The following CNTNAP2 variants were observed in gnomAD, a reference collection of about 807,000 sequenced individuals.
The protein encoded by CNTNAP2 is contactin-associated protein-like 2.
CNTNAP2 carries 98 observed loss-of-function variants against 155.2 expected under a neutral mutation model. The observed-to-expected ratio is 0.63, with a 90% CI of 0.54 to 0.75. The LOEUF (loss-of-function observed/expected upper bound fraction) is 0.75, where lower values mean the gene tolerates loss of function less well. CNTNAP2 is among the 30% of genes least tolerant of loss of function. The pLI is 0.00. For missense variants in CNTNAP2, 1,727 were observed against 1,688.1 expected, an observed-to-expected ratio of 1.02 and a Z score of -0.40; for synonymous variants, 651 against 631.2, an observed-to-expected ratio of 1.03 and a Z score of -0.47.
intron 11 of CNTNAP2, among the ~76,000 whole-genome samples, chr7:147,503,676 C>A (rs1391728688): frequency 7.4e-6 from 1 of 134,774 alleles, no homozygotes; most frequent in Admixed American, 7.6e-5. Context: ...AAACGGATTT[C>A]TCTTTTGTAA....
chr7:146,890,479 T>C (rs1795753260), intron 3 of CNTNAP2, among the ~76,000 whole-genome samples: 1 of 152,202 alleles, frequency 6.6e-6, no homozygotes, highest in Non-Finnish European at 1.5e-5. Context: ...TGTCAGCTAC[T>C]GATTATATTG....
rs570346795 is a variant in CNTNAP2 at position 146,276,620 on chromosome 7, G to T, written c.97+159647G>T. 2.0e-3 allele frequency among the ~76,000 whole-genome samples: 308 copies of T among 152,290 alleles called. 3 individuals are homozygous for T. Among genetic ancestry groups the T allele is most frequent in the African/African-American group, 7.0e-3 (289 of 41,558 alleles). On this transcript the variant is annotated intron_variant, in intron 1 of 23. Transcript: ENST00000361727. ...GGACTAGATGGACACTTCCAGTTAT[G>T]TCAGGCTGCTGAAGCCATAGCCTGC...
At chr7:148,369,337 T>TA (rs1418479695) in intron 21 of CNTNAP2, among the ~76,000 whole-genome samples, 1 of 151,634 alleles carries the variant, frequency 6.6e-6, no homozygotes, top group Non-Finnish European at 1.5e-5. Flanking sequence ...TAGCTGGAAT[T>TA]ACAGGGGTGT....
chr7:147,971,450 G>T (rs1218726159), intron 14 of CNTNAP2, among the ~76,000 whole-genome samples: 1 of 151,420 alleles, frequency 6.6e-6, no homozygotes, highest in African/African-American at 2.4e-5. Flanking sequence ...ACGATTCCCG[G>T]TTACCATGAA....
intron 3 of CNTNAP2, among the ~76,000 whole-genome samples, chr7:146,928,031 G>A (rs761264994): frequency 2.7e-4 from 41 of 151,084 alleles, no homozygotes; most frequent in Non-Finnish European, 5.2e-4. Context: ...CCCTCCTGTA[G>A]TCCTCCATCC....
intron 9 of CNTNAP2, among the ~76,000 whole-genome samples, chr7:147,319,630 G>T (rs1487056623): frequency 6.6e-6 from 1 of 152,020 alleles, no homozygotes; most frequent in South Asian, 2.1e-4. Flanking sequence ...TGCCCACCTC[G>T]GCCTCCCAAA....
intron 15 of CNTNAP2, among the ~76,000 whole-genome samples, chr7:148,057,585 A>G (rs1473834761): frequency 6.6e-6 from 1 of 152,218 alleles, no homozygotes; most frequent in African/African-American, 2.4e-5. Context: ...CAGATTATAA[A>G]TATTAATAGC....
At position 148,237,021 on chromosome 7, in the gene CNTNAP2, A is replaced by G. The variant is rs1345444969; in HGVS notation, c.3381+7242A>G. ...TTACAACTCAACATGAGATTTGAGC[A>G]GGGACACATATCCAAACCATATCAC... On this transcript the variant is annotated intron_variant, in intron 20 of 23. Transcript: ENST00000361727. Among the ~76,000 whole-genome samples, 4 of 152,300 alleles carry G rather than the reference A, an allele frequency of 2.6e-5. No individual in the cohort carries two copies. In the East Asian group the frequency reaches 7.7e-4, roughly 29 times the overall value.
chr7:146,415,223 A>G (rs948636501), intron 1 of CNTNAP2, among the ~76,000 whole-genome samples: 100 of 152,096 alleles, frequency 6.6e-4, no homozygotes, highest in African/African-American at 2.1e-3. Flanking sequence ...CACACATACC[A>G]CACCACACAC....
Position 147,980,768 on chromosome 7 carries a change from C to CAAAAAAAAAA in CNTNAP2, c.2383+2783_2383+2792dup, listed in dbSNP as rs375398761. On this transcript the variant is annotated intron_variant, in intron 15 of 23. Transcript: ENST00000361727. Reference sequence around the variant, plus strand: ...TGAAACCCCGTCTCTACTAAAAATACAAAAAAAAAAAAATTAGCCGGGCGT... The same window carrying CAAAAAAAAAA: ...TGAAACCCCGTCTCTACTAAAAATACAAAAAAAAAAAAAAAAAAAAAAATTAGCCGGGCGT... Among the ~76,000 whole-genome samples, 205 of 135,642 alleles carry CAAAAAAAAAA rather than the reference C, an allele frequency of 1.5e-3. 1 individual carries two copies. Among genetic ancestry groups the CAAAAAAAAAA allele is most frequent in the African/African-American group, 4.1e-3 (142 of 34,772 alleles). 89.0% of individuals were successfully genotyped at this position (135,642 alleles called of 152,430 possible).
At chr7:148,205,510 G>A (rs1372489428) in intron 18 of CNTNAP2, among the ~76,000 whole-genome samples, 2 of 152,068 alleles carry the variant, frequency 1.3e-5, no homozygotes, top group Non-Finnish European at 2.9e-5. Flanking sequence ...GTATAAAGGA[G>A]AAAAAAAGCA....
intron 15 of CNTNAP2, among the ~76,000 whole-genome samples, chr7:147,978,890 A>G (rs1801476297): frequency 2.0e-5 from 3 of 152,128 alleles, no homozygotes; most frequent in Admixed American, 6.5e-5. Context: ...TAGCTGTGGT[A>G]ATGAGAATAC....
chr7:146,815,201 A>G (rs1803141718), intron 2 of CNTNAP2, among the ~76,000 whole-genome samples: 1 of 152,122 alleles, frequency 6.6e-6, no homozygotes, highest in Non-Finnish European at 1.5e-5. Flanking sequence ...ACAATACCAC[A>G]TTGCTTATTT....
chr7:147,019,838 G>A (rs887839859), intron 3 of CNTNAP2, among the ~76,000 whole-genome samples: 10 of 152,128 alleles, frequency 6.6e-5, no homozygotes, highest in African/African-American at 2.2e-4. Context: ...AATCAAAATT[G>A]GGGTATAAAA....
At chr7:147,187,375 A>C (rs907221035) in intron 8 of CNTNAP2, among the ~76,000 whole-genome samples, 1 of 152,172 alleles carries the variant, frequency 6.6e-6, no homozygotes, top group Non-Finnish European at 1.5e-5. Context: ...GTGCCCATCA[A>C]CGGTAGACTG....
chr7:146,840,432 A>G (rs1803698380), intron 3 of CNTNAP2, among the ~76,000 whole-genome samples: 3 of 152,216 alleles, frequency 2.0e-5, no homozygotes, highest in Admixed American at 2.0e-4. Context: ...AAATGTCTCT[A>G]TTAACTTAAA....
intron 1 of CNTNAP2, among the ~76,000 whole-genome samples, chr7:146,357,834 A>G (rs1406899579): frequency 1.3e-5 from 2 of 151,904 alleles, no homozygotes; most frequent in African/African-American, 4.8e-5. Flanking sequence ...CTGAATATTT[A>G]AACAAGAAAA....
intron 18 of CNTNAP2, among the ~76,000 whole-genome samples, chr7:148,179,813 C>T (rs1204246665): frequency 1.3e-5 from 2 of 151,714 alleles, no homozygotes; most frequent in Non-Finnish European, 2.9e-5. Context: ...CTTTTTGCTC[C>T]AAGAGACCTC....
At chr7:147,069,588 A>G (rs1799849535) in intron 4 of CNTNAP2, among the ~76,000 whole-genome samples, 1 of 152,168 alleles carries the variant, frequency 6.6e-6, no homozygotes, top group Non-Finnish European at 1.5e-5. Flanking sequence ...TTGGTAGGGG[A>G]GGGAAGAGGT....
Sources: allele counts gnomAD v4.1 joint callset (sites outside exome capture counted in the v4.1 genomes callset), GRCh38; gene constraint gnomAD v4.1.1; transcripts MANE v1.5; gene names NCBI Gene and HGNC (gene_info 2026-07-23, HGNC 2026-07-21).